The following FGF14 variants were observed in gnomAD, a reference collection of about 807,000 sequenced individuals.
FGF14 encodes the protein fibroblast growth factor homologous factor 4.
FGF14 carries 5 observed loss-of-function variants against 25.5 expected under a neutral mutation model. The ratio of observed to expected loss-of-function variants is 0.20; its 90% CI spans 0.10 to 0.41. The LOEUF is 0.41. Ranked by LOEUF, FGF14 falls within the 10% of genes least tolerant of loss-of-function variation. The probability of loss-of-function intolerance (pLI) is 1.00; values close to 1 mark genes in which losing one functional copy is unlikely to be tolerated. For synonymous variants in FGF14, 138 were observed against 118.3 expected (o/e 1.17, Z -1.08); for missense variants, 222 against 320.1 (o/e 0.69, Z 2.34).
chr13:102,323,957 ATGTGTGTGTGTGTG>A lies in FGF14; in HGVS notation c.208+77500_208+77513del, dbSNP rs3066051. Among the ~76,000 whole-genome samples the A allele has an allele frequency of 3.7e-3, 501 of 136,522 alleles. 3 individuals carry two copies. The highest frequency in any genetic ancestry group is 0.012 in the African/African-American group (460 of 37,464). 89.6% of individuals were successfully genotyped at this position (136,522 alleles called of 152,430 possible). On this transcript the variant is annotated intron_variant, in intron 1 of 4. Coordinates refer to the FGF14 transcript ENST00000376131. ...TCTTTAAAGGATCCCAACGTGCAGT[ATGTGTGTGTGTGTG>A]TGTGTGTGTGTGTGTGTGTGTGTGT...
At chr13:102,388,088 T>A (rs2058347602) in intron 1 of FGF14, among the ~76,000 whole-genome samples, 1 of 152,160 alleles carries the variant, frequency 6.6e-6, no homozygotes, top group Non-Finnish European at 1.5e-5. Flanking sequence ...TCTCAAGTAG[T>A]CCCTGGGGTC....
At position 101,798,061 on chromosome 13, in the gene FGF14, T is replaced by C. The variant is rs183719353; in HGVS notation, c.408+70664A>G. Reference sequence around the variant, plus strand: ...CTGTAGTTTAAAATGTCTTCCCTTTTATATCCTTTCAGTACTTTTAAATGA... The same window carrying C: ...CTGTAGTTTAAAATGTCTTCCCTTTCATATCCTTTCAGTACTTTTAAATGA... On this transcript the variant is annotated intron_variant, in intron 3 of 4. Coordinates refer to ENST00000376143, the MANE Select transcript of FGF14 (RefSeq NM_004115.4). Among the ~76,000 whole-genome samples the C allele has an allele frequency of 1.3e-3, 195 of 152,260 alleles. 1 individual carries two copies. Among genetic ancestry groups the C allele is most frequent in the African/African-American group, 4.5e-3 (189 of 41,570 alleles).
chr13:102,023,439 T>C (rs1196688111), intron 1 of FGF14, among the ~76,000 whole-genome samples: 1 of 152,062 alleles, frequency 6.6e-6, no homozygotes, highest in East Asian at 1.9e-4. Flanking sequence ...ATAACAGTTT[T>C]ATTGACATAC....
chr13:102,176,699 A>G (rs974174732), intron 1 of FGF14, among the ~76,000 whole-genome samples: 1 of 152,180 alleles, frequency 6.6e-6, no homozygotes, highest in Non-Finnish European at 1.5e-5. Context: ...GATAGATATC[A>G]TGCTAAGTGT....
intron 1 of FGF14, among the ~76,000 whole-genome samples, chr13:102,263,988 A>G (rs1376249667): frequency 4.2e-5 from 6 of 143,828 alleles, no homozygotes; most frequent in Admixed American, 3.6e-4. Context: ...CCAAATCGAG[A>G]ACCCCTAGAG....
At chr13:102,201,006 G>T (rs58699181) in intron 1 of FGF14, among the ~76,000 whole-genome samples, 7,138 of 150,994 alleles carry the variant, frequency 0.047, 358 homozygotes, top group East Asian at 0.14. Flanking sequence ...GGAGGCTGAG[G>T]CAGGAGAATG....
At chr13:101,961,859 A>G (rs2036880044) in intron 1 of FGF14, among the ~76,000 whole-genome samples, 1 of 152,172 alleles carries the variant, frequency 6.6e-6, no homozygotes, top group Non-Finnish European at 1.5e-5. Flanking sequence ...TCTTTCCTTT[A>G]TAAATTATCC....
chr13:101,977,596 T>C (rs1471366640), intron 1 of FGF14, among the ~76,000 whole-genome samples: 1 of 152,120 alleles, frequency 6.6e-6, no homozygotes, highest in Non-Finnish European at 1.5e-5. Context: ...ATGTTTTTAA[T>C]AGGATACCAT....
chr13:102,062,586 A>G (rs1266640789), intron 1 of FGF14, among the ~76,000 whole-genome samples: 3 of 152,178 alleles, frequency 2.0e-5, no homozygotes, highest in African/African-American at 4.8e-5. Flanking sequence ...TATAGAGGCC[A>G]TTTTCAAATT....
chr13:102,002,042 G>C (rs986609242), intron 1 of FGF14: 1 of 152,100 alleles, frequency 6.6e-6, no homozygotes, highest in Non-Finnish European at 1.5e-5. Flanking sequence ...CCCAACACAG[G>C]AGGCTATAAA....
At chr13:102,133,347 T>C (rs1329119675) in intron 1 of FGF14, among the ~76,000 whole-genome samples, 1 of 152,216 alleles carries the variant, frequency 6.6e-6, no homozygotes, top group Non-Finnish European at 1.5e-5. Flanking sequence ...GCTGTTTACA[T>C]TTTAAGGAAT....
intron 1 of FGF14, among the ~76,000 whole-genome samples, chr13:102,379,447 T>C (rs1156310693): frequency 1.3e-5 from 2 of 151,684 alleles, no homozygotes; most frequent in African/African-American, 4.8e-5. Context: ...TATATATGTG[T>C]ATGTATATAT....
chr13:101,737,503 C>G (rs2036266038), intron 3 of FGF14, among the ~76,000 whole-genome samples: 1 of 152,078 alleles, frequency 6.6e-6, no homozygotes, highest in South Asian at 2.1e-4. Flanking sequence ...TATATCCTAC[C>G]AAAATCTAGT....
At chr13:101,875,856 T>C (rs1370328797) in intron 1 of FGF14, among the ~76,000 whole-genome samples, 1 of 152,190 alleles carries the variant, frequency 6.6e-6, no homozygotes, top group Non-Finnish European at 1.5e-5. Context: ...AGGGTCATTG[T>C]TACTTCCATG....
intron 1 of FGF14, among the ~76,000 whole-genome samples, chr13:102,144,786 A>T (rs897999376): frequency 6.6e-6 from 1 of 152,194 alleles, no homozygotes; most frequent in Non-Finnish European, 1.5e-5. Flanking sequence ...ATGCAACACA[A>T]AGCTTAAGTC....
chr13:102,268,422 G>C (rs2053094325), intron 1 of FGF14, among the ~76,000 whole-genome samples: 1 of 152,030 alleles, frequency 6.6e-6, no homozygotes, highest in Non-Finnish European at 1.5e-5. Context: ...GTTATACTAT[G>C]ATATCATTTG....
At chr13:101,723,341 C>A (rs1479106628) in intron 4 of FGF14, among the ~76,000 whole-genome samples, 1 of 151,956 alleles carries the variant, frequency 6.6e-6, no homozygotes, top group Non-Finnish European at 1.5e-5. Flanking sequence ...AAAACTCAGA[C>A]ATCCCTTCCA....
At chr13:102,297,629 T>C (rs1315948473) in intron 1 of FGF14, among the ~76,000 whole-genome samples, 1 of 151,966 alleles carries the variant, frequency 6.6e-6, no homozygotes, top group African/African-American at 2.4e-5. Flanking sequence ...TTCATGCTTA[T>C]AATCCCAGCA....
At position 102,132,307 on chromosome 13, in the gene FGF14, A is replaced by G. The variant is rs149544385; in HGVS notation, c.209-257011T>C. 3.7e-3 allele frequency among the ~76,000 whole-genome samples: 559 copies of G among 152,336 alleles called. 2 individuals carry two copies. Among genetic ancestry groups the G allele is most frequent in the African/African-American group, 0.012 (497 of 41,580 alleles). ...AAGAAAATACAAAATATTTTCTACC[A>G]CAGTACTACTTTTGTAAATTTAAGA... On this transcript the variant is annotated intron_variant, in intron 1 of 4. Transcript: ENST00000376131.
Sources: allele counts gnomAD v4.1 joint callset (sites outside exome capture counted in the v4.1 genomes callset), GRCh38; gene constraint gnomAD v4.1.1; transcripts MANE v1.5; gene names NCBI Gene and HGNC (gene_info 2026-07-23, HGNC 2026-07-21).